SLC41A3: variants seen among roughly 807,000 people sequenced by gnomAD.
The protein encoded by SLC41A3 is solute carrier family 41 member 3, also known as SLC41A1-like 2.
A neutral mutation model predicts 45.4 loss-of-function variants in SLC41A3; 44 were observed. That is an observed-to-expected ratio of 0.97 (90% CI 0.76 to 1.25). The LOEUF (loss-of-function observed/expected upper bound fraction) is 1.25. SLC41A3 is among the 50% of genes most tolerant of loss of function. The pLI is 0.00. For missense variants in SLC41A3, 550 were observed against 600.6 expected (o/e 0.92, Z 0.88); for synonymous variants, 256 against 252.4 (o/e 1.01, Z -0.13).
upstream of SLC41A3, among the ~76,000 whole-genome samples, chr3:126,086,907 A>G (rs1273828348): frequency 6.6e-6 from 1 of 152,204 alleles, no homozygotes; most frequent in Non-Finnish European, 1.5e-5. Flanking sequence ...TAAAAATAAA[A>G]GCACTTAAAT....
At chr3:126,008,199 CATGCAGTACATA>C (rs1193601127) in intron 10 of SLC41A3, among the ~76,000 whole-genome samples, 4 of 152,216 alleles carry the variant, frequency 2.6e-5, no homozygotes, top group African/African-American at 9.6e-5. Context: ...CCGTGTCTAG[CATGCAGTACATA>C]ATGTGACGAG....
chr3:126,008,816 G>A lies in SLC41A3; in HGVS notation c.1170C>T (p.Phe390=). 1 of 1,614,144 alleles carries A rather than the reference G, an allele frequency of 6.2e-7. No individual in the cohort carries two copies. Among genetic ancestry groups the A allele is most frequent in the Non-Finnish European group, 8.5e-7 (1 of 1,180,020 alleles). Residue 390 remains phenylalanine, a synonymous_variant, in exon 10 of 11, where the codon TTC becomes TTT. Transcript: ENST00000360370. ...LLVVPGHLIF[F]YIIYLVEGQS... ...GACCCTCCACCAGGTAGATGATGTAGAAGAAAATCAGATGGCCTGGGACCA... is the reference window on the plus strand; with the variant it reads ...GACCCTCCACCAGGTAGATGATGTAAAAGAAAATCAGATGGCCTGGGACCA...
upstream of SLC41A3, among the ~76,000 whole-genome samples, chr3:126,086,401 T>G: frequency 1.8e-5 from 2 of 108,414 alleles, no homozygotes; most frequent in African/African-American, 4.2e-5. Context: ...TTTTTCTTTG[T>G]TTTCTTGTTT....
At chr3:126,055,833 A>G (rs1423715616) in intron 2 of SLC41A3, among the ~76,000 whole-genome samples, 3 of 151,938 alleles carry the variant, frequency 2.0e-5, no homozygotes, top group African/African-American at 7.3e-5. Flanking sequence ...CTGCACCCCC[A>G]GGGCTGCAAA....
At chr3:126,084,355 C>T (rs985149336), upstream of SLC41A3, 1 of 152,182 alleles carries the variant, frequency 6.6e-6, no homozygotes, top group Non-Finnish European at 1.5e-5. Context: ...CCCGGGCCCT[C>T]CTCGCAGCTG....
intron 1 of SLC41A3, among the ~76,000 whole-genome samples, chr3:126,083,590 G>A (rs1327297357): frequency 6.6e-6 from 1 of 152,054 alleles, no homozygotes; most frequent in Non-Finnish European, 1.5e-5. Context: ...CTGGCGGGAG[G>A]TCTGGCTGAG....
chr3:126,066,055 G>T (rs759176731), intron 2 of SLC41A3, among the ~76,000 whole-genome samples: 1 of 146,626 alleles, frequency 6.8e-6, no homozygotes, highest in Non-Finnish European at 1.5e-5. Context: ...GCTCAACCTG[G>T]TGACCTGATT....
At chr3:126,092,076 A>C (rs1448711479) in intron 1 of SLC41A3, among the ~76,000 whole-genome samples, 2 of 152,246 alleles carry the variant, frequency 1.3e-5, no homozygotes, top group African/African-American at 2.4e-5. Flanking sequence ...AGTTACTGGC[A>C]GCAAATTTAT....
intron 8 of SLC41A3, among the ~76,000 whole-genome samples, chr3:126,014,944 G>C (rs1308878203): frequency 1.3e-5 from 2 of 152,188 alleles, no homozygotes; most frequent in Non-Finnish European, 2.9e-5. Context: ...AACAGGGAAG[G>C]GGGAGATCAA....
rs758352790 is a variant in SLC41A3 at position 126,012,616 on chromosome 3, T to C, written c.1104A>G (p.Ser368=). 2 of 1,614,172 alleles carry C rather than the reference T, an allele frequency of 1.2e-6. No homozygotes were observed. Among genetic ancestry groups the C allele is most frequent in the Non-Finnish European group, 1.7e-6 (2 of 1,180,004 alleles). The change falls in exon 9 of 11, where the codon TCA becomes TCG. Residue 368 remains serine (S), a splice_region_variant and synonymous_variant. Coordinates refer to ENST00000360370, the MANE Select transcript of SLC41A3 (RefSeq NM_017836.4). ...GCCTCTGAAAGACATGACACCCACC[T>C]GACGTGCAGAAAGTAGAACACGGGT... ...WPNPCSTFCT[S]EINSMSARVL... is the part of the protein sequence containing the mutation.
chr3:126,082,299 A>G (rs1945195571), intron 1 of SLC41A3, among the ~76,000 whole-genome samples: 1 of 152,208 alleles, frequency 6.6e-6, no homozygotes, highest in South Asian at 2.1e-4. Context: ...CCAAGATGCC[A>G]GAAGATGCCA....
intron 1 of SLC41A3, among the ~76,000 whole-genome samples, chr3:126,080,909 C>T (rs1004653067): frequency 3.3e-5 from 5 of 151,718 alleles, no homozygotes; most frequent in Admixed American, 1.3e-4. Context: ...TGAGATTGTG[C>T]CACTGCACTC....
intron 1 of SLC41A3, among the ~76,000 whole-genome samples, chr3:126,072,894 T>C (rs925129678): frequency 9.2e-5 from 14 of 152,084 alleles, no homozygotes; most frequent in African/African-American, 3.4e-4. Context: ...GAAGACTGAA[T>C]AAAGAATATG....
chr3:126,080,244 C>T (rs1162724405), intron 1 of SLC41A3, among the ~76,000 whole-genome samples: 1 of 151,948 alleles, frequency 6.6e-6, no homozygotes, highest in Non-Finnish European at 1.5e-5. Context: ...AGTTTCTGCA[C>T]AGCAAAGGAA....
intron 6 of SLC41A3, among the ~76,000 whole-genome samples, chr3:126,018,632 G>A (rs940458908): frequency 1.3e-5 from 2 of 152,224 alleles, no homozygotes; most frequent in Non-Finnish European, 2.9e-5. Context: ...CCCATGGGGA[G>A]TGATAAACTG....
intron 3 of SLC41A3, among the ~76,000 whole-genome samples, chr3:126,033,905 T>G (rs1326656481): frequency 6.7e-6 from 1 of 148,262 alleles, no homozygotes; most frequent in Non-Finnish European, 1.5e-5. Flanking sequence ...ATGGGGGTCA[T>G]GGATCAGTCC....
chr3:126,070,811 G>A (rs1944583830), intron 1 of SLC41A3, among the ~76,000 whole-genome samples: 1 of 151,834 alleles, frequency 6.6e-6, no homozygotes, highest in Admixed American at 6.6e-5. Flanking sequence ...GAAGAGCATC[G>A]GCAAAGGTAA....
chr3:126,091,833 C>G (rs1242156589), intron 1 of SLC41A3, among the ~76,000 whole-genome samples: 1 of 152,110 alleles, frequency 6.6e-6, no homozygotes, highest in African/African-American at 2.4e-5. Context: ...TGCTATCTGT[C>G]ATGTTGGTGT....
At chr3:126,072,734 A>G (rs1233475281) in intron 1 of SLC41A3, among the ~76,000 whole-genome samples, 2 of 152,250 alleles carry the variant, frequency 1.3e-5, no homozygotes, top group African/African-American at 4.8e-5. Flanking sequence ...AACTTAAAAC[A>G]GAAGTACCAT....
Sources: gnomAD v4.1 joint callset for allele counts (sites outside exome capture counted in the v4.1 genomes callset) on GRCh38, gnomAD v4.1.1 for gene constraint, MANE v1.5 for transcripts, NCBI Gene and HGNC (gene_info 2026-07-23, HGNC 2026-07-21) for gene names.